PIK3R1: variants seen among roughly 807,000 people sequenced by gnomAD.
PIK3R1 encodes the protein phosphoinositide-3-kinase regulatory subunit 1.
PIK3R1 carries 29 observed loss-of-function variants against 98.0 expected under a neutral mutation model. That is an observed-to-expected ratio of 0.30 (90% CI 0.22 to 0.40). The LOEUF (loss-of-function observed/expected upper bound fraction) is 0.40, where lower values mean the gene tolerates loss of function less well. Ranked by LOEUF, PIK3R1 falls within the 10% of genes least tolerant of loss-of-function variation. The pLI is 1.00. For missense variants in PIK3R1, 596 were observed against 872.7 expected (o/e 0.68, Z 3.99); for synonymous variants, 282 against 311.8 (o/e 0.90, Z 1.01).
At chr5:68,266,963 CT>C (rs1359477138) in intron 2 of PIK3R1, among the ~76,000 whole-genome samples, 1 of 152,226 alleles carries the variant, frequency 6.6e-6, no homozygotes, top group East Asian at 1.9e-4. Flanking sequence ...TGTCTTTTTT[CT>C]TTTTGGGGGC....
rs114334142 is a variant in PIK3R1, at chr5:68,233,540, G to C, written c.334+6531G>C. 2.4e-3 allele frequency among the ~76,000 whole-genome samples: 372 copies of C among 152,270 alleles called. 3 individuals carry two copies. Among genetic ancestry groups the C allele is most frequent in the Admixed American group, 5.4e-3 (82 of 15,290 alleles). ...TATAGTGTACCTAAAATGTCAAGTT[G>C]TTTAACAGAATATCAGACTACTTTA... On this transcript the variant is annotated intron_variant, in intron 2 of 15. Coordinates refer to ENST00000521381, the MANE Select transcript of PIK3R1 (RefSeq NM_181523.3).
chr5:68,245,551 A>G (rs1249909147), intron 2 of PIK3R1, among the ~76,000 whole-genome samples: 1 of 152,232 alleles, frequency 6.6e-6, no homozygotes, highest in African/African-American at 2.4e-5. Context: ...TGCTGTGACT[A>G]ATGTGCTGTG....
intron 3 of PIK3R1, 176 bp from the exon 4 acceptor site, chr5:68,273,763 C>T: frequency 1.5e-6 from 1 of 646,000 alleles, no homozygotes; most frequent in South Asian, 2.0e-5. Context: ...GATGGTTTTG[C>T]CAAAATTATC....
intron 2 of PIK3R1, among the ~76,000 whole-genome samples, chr5:68,244,719 A>T (rs923713548): frequency 6.6e-5 from 10 of 152,056 alleles, no homozygotes; most frequent in Non-Finnish European, 1.3e-4. Flanking sequence ...TCGTTTTGGA[A>T]TGATAGTTAT....
chr5:68,231,399 T>C (rs1377385298), intron 2 of PIK3R1, among the ~76,000 whole-genome samples: 1 of 152,244 alleles, frequency 6.6e-6, no homozygotes, highest in Non-Finnish European at 1.5e-5. Flanking sequence ...GCATTTGACA[T>C]GGCTTACGCT....
intron 2 of PIK3R1, among the ~76,000 whole-genome samples, chr5:68,236,337 C>T (rs1405495984): frequency 6.6e-6 from 1 of 151,958 alleles, no homozygotes; most frequent in African/African-American, 2.4e-5. Context: ...GCAAGCTCCG[C>T]CTCCTGGGTT....
chr5:68,288,878 A>AT (rs1460504963), intron 7 of PIK3R1: 8 of 924,212 alleles, frequency 8.7e-6, no homozygotes, highest in Non-Finnish European at 1.4e-5. Context: ...CAGATGGGAG[A>AT]TTAGGGGAGA....
chr5:68,216,020 C>G (rs1743856623), intron 1 of PIK3R1, 71 bp downstream of exon 1: 1 of 152,104 alleles, frequency 6.6e-6, no homozygotes, highest in Non-Finnish European at 1.5e-5. Flanking sequence ...GCACGGCTGC[C>G]GCGACTCTCT....
chr5:68,290,384 G>T (rs940960203), intron 7 of PIK3R1, among the ~76,000 whole-genome samples: 2 of 152,358 alleles, frequency 1.3e-5, no homozygotes, highest in East Asian at 3.9e-4. Context: ...GCCAACAGCA[G>T]AGCGTACCAT....
At chr5:68,287,562 C>A (rs1047517742) in intron 7 of PIK3R1, among the ~76,000 whole-genome samples, 1 of 152,198 alleles carries the variant, frequency 6.6e-6, no homozygotes, top group African/African-American at 2.4e-5. Flanking sequence ...TATGCTCATG[C>A]AACTGAAAAT....
chr5:68,290,481 A>G (rs1747326376), intron 7 of PIK3R1, among the ~76,000 whole-genome samples: 1 of 152,216 alleles, frequency 6.6e-6, no homozygotes, highest in South Asian at 2.1e-4. Context: ...ATGAGCATGT[A>G]TATATTGCAG....
chr5:68,227,384 T>C (rs1368535611), intron 2 of PIK3R1, among the ~76,000 whole-genome samples: 2 of 152,178 alleles, frequency 1.3e-5, no homozygotes, highest in Non-Finnish European at 1.5e-5. Flanking sequence ...CAAAATTTTT[T>C]GACACCCAAA....
intron 7 of PIK3R1, among the ~76,000 whole-genome samples, chr5:68,281,411 A>G (rs989464543): frequency 6.6e-6 from 1 of 152,340 alleles, no homozygotes; most frequent in South Asian, 2.1e-4. Flanking sequence ...GGAAGTGGGT[A>G]TGCTGAGAAA....
intron 1 of PIK3R1, 133 bp downstream of exon 1, chr5:68,216,082 C>A (rs562955296): frequency 1.3e-5 from 2 of 152,264 alleles, no homozygotes; most frequent in East Asian, 3.9e-4. Context: ...CGGGGGGAAG[C>A]GGGCTGGCCA....
At chr5:68,232,126 A>G (rs1210598313) in intron 2 of PIK3R1, among the ~76,000 whole-genome samples, 1 of 152,310 alleles carries the variant, frequency 6.6e-6, no homozygotes, top group East Asian at 1.9e-4. Context: ...CAAATGTGCT[A>G]ATTATTTTGA....
chr5:68,283,427 A>G (rs933564730), intron 7 of PIK3R1, among the ~76,000 whole-genome samples: 1 of 152,254 alleles, frequency 6.6e-6, no homozygotes, highest in Non-Finnish European at 1.5e-5. Flanking sequence ...GAACTTTAGA[A>G]ATGCAGCTGG....
At chr5:68,227,078 G>A in intron 2 of PIK3R1, 69 bp downstream of exon 2, 1 of 1,404,410 alleles carries the variant, frequency 7.1e-7, no homozygotes, top group Non-Finnish European at 9.7e-7. Flanking sequence ...TCTTAAGTTT[G>A]GGTTGAGTCG....
chr5:68,274,109 C>T, intron 4 of PIK3R1, 96 bp downstream of exon 4: 1 of 933,980 alleles, frequency 1.1e-6, no homozygotes, highest in Non-Finnish European at 1.7e-6. Context: ...TTAATCTATG[C>T]AGTGTTCTAA....
At chr5:68,225,526 A>T (rs181792118) in intron 1 of PIK3R1, among the ~76,000 whole-genome samples, 1 of 152,172 alleles carries the variant, frequency 6.6e-6, no homozygotes, top group African/African-American at 2.4e-5. Flanking sequence ...CATTTGCCAC[A>T]TCCCACATGT....
Sources: allele counts gnomAD v4.1 joint callset (sites outside exome capture counted in the v4.1 genomes callset), GRCh38; gene constraint gnomAD v4.1.1; transcripts MANE v1.5; gene names NCBI Gene and HGNC (gene_info 2026-07-23, HGNC 2026-07-21).